CCDC85A: variants seen among roughly 807,000 people sequenced by gnomAD.
The protein encoded by CCDC85A is coiled-coil domain-containing protein 85A.
CCDC85A carries 38 observed loss-of-function variants against 50.2 expected under a neutral mutation model. The ratio of observed to expected loss-of-function variants is 0.76; its 90% CI spans 0.58 to 0.99. The LOEUF is 0.99. CCDC85A is among the 50% of genes least tolerant of loss of function. The pLI is 0.00. For synonymous variants in CCDC85A, 366 were observed against 301.4 expected (o/e 1.21, Z -2.22); for missense variants, 820 against 742.0 (o/e 1.11, Z -1.22).
intron 2 of CCDC85A, among the ~76,000 whole-genome samples, chr2:56,311,028 A>G (rs1672664584): frequency 6.6e-6 from 1 of 152,182 alleles, no homozygotes; most frequent in Non-Finnish European, 1.5e-5. Flanking sequence ...CCCTAAGTTC[A>G]ACGACAGTGT....
At chr2:56,236,447 C>G (rs1384031861) in intron 2 of CCDC85A, among the ~76,000 whole-genome samples, 1 of 152,088 alleles carries the variant, frequency 6.6e-6, no homozygotes, top group Non-Finnish European at 1.5e-5. Context: ...TGGCCTTCTT[C>G]ATAAGGTGGA....
intron 3 of CCDC85A, among the ~76,000 whole-genome samples, chr2:56,349,623 T>C (rs902950674): frequency 1.3e-5 from 2 of 152,118 alleles, no homozygotes; most frequent in East Asian, 1.9e-4. Flanking sequence ...TTCTGATACA[T>C]GATGATAAAT....
rs1304262423 is a variant in CCDC85A, at chr2:56,368,275, A to C, written c.1318-4069A>C. On this transcript the variant is annotated intron_variant, in intron 3 of 5. Coordinates refer to ENST00000407595, the MANE Select transcript of CCDC85A (RefSeq NM_001080433.2). ...ATATAACCGACTAAATATTAACATTAGAGTAAGGCAAGAGGGTCTTAGCAT... is the reference window on the plus strand; with the variant it reads ...ATATAACCGACTAAATATTAACATTCGAGTAAGGCAAGAGGGTCTTAGCAT... Among the ~76,000 whole-genome samples the C allele has an allele frequency of 2.6e-5, 4 of 152,166 alleles. No homozygotes were observed. The East Asian group carries it at 7.7e-4, about 29-fold the overall frequency.
chr2:56,268,001 T>C (rs1284630762), intron 2 of CCDC85A, among the ~76,000 whole-genome samples: 2 of 152,334 alleles, frequency 1.3e-5, no homozygotes, highest in South Asian at 2.1e-4. Flanking sequence ...TCATATTCTT[T>C]TGGGTGATGG....
intron 2 of CCDC85A, among the ~76,000 whole-genome samples, chr2:56,340,390 G>A (rs1443991498): frequency 6.6e-6 from 1 of 152,052 alleles, no homozygotes; most frequent in African/African-American, 2.4e-5. Flanking sequence ...TGCCCTTTTT[G>A]TGTGTCTGAG....
intron 2 of CCDC85A, among the ~76,000 whole-genome samples, chr2:56,332,505 A>G (rs564131444): frequency 1.8e-4 from 28 of 152,218 alleles, no homozygotes; most frequent in African/African-American, 6.5e-4. Context: ...GCCATCTCTT[A>G]AGGGCTCCGT....
chr2:56,375,270 C>A (rs1676278616), intron 4 of CCDC85A, among the ~76,000 whole-genome samples: 1 of 152,182 alleles, frequency 6.6e-6, no homozygotes, highest in South Asian at 2.1e-4. Flanking sequence ...TTCTGTTTTT[C>A]ATCTTTAAAA....
chr2:56,251,763 G>A (rs1669768438), intron 2 of CCDC85A, among the ~76,000 whole-genome samples: 1 of 151,796 alleles, frequency 6.6e-6, no homozygotes, highest in Non-Finnish European at 1.5e-5. Context: ...ATGGGGCTTG[G>A]TCTTTTTAGG....
chr2:56,364,959 A>G (rs767922411), intron 3 of CCDC85A, among the ~76,000 whole-genome samples: 15 of 152,058 alleles, frequency 9.9e-5, no homozygotes, highest in Non-Finnish European at 1.6e-4. Context: ...TCTGTCCACC[A>G]CCAATCAGTT....
chr2:56,285,101 CTTT>C (rs1296011376), intron 2 of CCDC85A, among the ~76,000 whole-genome samples: 1 of 145,036 alleles, frequency 6.9e-6, no homozygotes, highest in Admixed American at 7.0e-5. Context: ...TCTTTTCTTT[CTTT>C]TTTTTTTTTC....
At chr2:56,231,513 C>G (rs577066510) in intron 2 of CCDC85A, among the ~76,000 whole-genome samples, 1 of 152,138 alleles carries the variant, frequency 6.6e-6, no homozygotes, top group South Asian at 2.1e-4. Context: ...ATACAGGAGG[C>G]CTTATAAAAT....
intron 5 of CCDC85A, among the ~76,000 whole-genome samples, chr2:56,378,960 G>A (rs1003338300): frequency 1.3e-5 from 2 of 152,124 alleles, no homozygotes; most frequent in African/African-American, 2.4e-5. Context: ...AGCACAGAAA[G>A]CCAAAGTTAT....
At chr2:56,381,677 T>C (rs1461358307) in intron 5 of CCDC85A, among the ~76,000 whole-genome samples, 1 of 152,066 alleles carries the variant, frequency 6.6e-6, no homozygotes, top group African/African-American at 2.4e-5. Flanking sequence ...CACCCTATCT[T>C]ACAGAGGGGG....
intron 2 of CCDC85A, among the ~76,000 whole-genome samples, chr2:56,301,811 G>A (rs747827783): frequency 6.6e-6 from 1 of 152,156 alleles, no homozygotes; most frequent in Non-Finnish European, 1.5e-5. Flanking sequence ...CCTGTTGGGG[G>A]TGGGAGCAAG....
At chr2:56,275,085 A>G (rs1040624259) in intron 2 of CCDC85A, among the ~76,000 whole-genome samples, 1 of 151,958 alleles carries the variant, frequency 6.6e-6, no homozygotes, top group Non-Finnish European at 1.5e-5. Flanking sequence ...CCATATCGGG[A>G]GCTTGGGTTT....
chr2:56,363,219 C>T (rs1675624541), intron 3 of CCDC85A, among the ~76,000 whole-genome samples: 2 of 152,102 alleles, frequency 1.3e-5, no homozygotes, highest in South Asian at 2.1e-4. Context: ...TTCCATGATG[C>T]TTCCTTTTGT....
chr2:56,281,066 C>G (rs1033858897), intron 2 of CCDC85A, among the ~76,000 whole-genome samples: 1 of 152,078 alleles, frequency 6.6e-6, no homozygotes, highest in African/African-American at 2.4e-5. Context: ...TTTCCATCAC[C>G]CCCAAAAGTT....
intron 3 of CCDC85A, among the ~76,000 whole-genome samples, chr2:56,345,652 C>G (rs1228803720): frequency 6.6e-6 from 1 of 152,094 alleles, no homozygotes; most frequent in Admixed American, 6.6e-5. Context: ...GGATGGAACA[C>G]AATAAATGGA....
Position 56,321,452 on chromosome 2 carries a change from T to C in CCDC85A, c.1241-21427T>C, listed in dbSNP as rs1425715400. Among the ~76,000 whole-genome samples, 3 of 152,162 alleles carry C rather than the reference T, an allele frequency of 2.0e-5. No homozygotes were observed. The East Asian group carries it at 5.8e-4, about 29-fold the overall frequency. On this transcript the variant is annotated intron_variant, in intron 2 of 5. Coordinates refer to ENST00000407595, the MANE Select transcript of CCDC85A (RefSeq NM_001080433.2). ...AAGCAACTTTAGCAAAGTCTCAGGA[T>C]ACAAAATCAGTGTGCAAAAATCACA... is the stretch of plus-strand genomic sequence containing the variant.
Sources: allele counts gnomAD v4.1 joint callset (sites outside exome capture counted in the v4.1 genomes callset), GRCh38; gene constraint gnomAD v4.1.1; transcripts MANE v1.5; gene names NCBI Gene and HGNC (gene_info 2026-07-23, HGNC 2026-07-21).